Variants in ADAMTS17 observed in about 807,000 individuals in gnomAD.
The protein encoded by ADAMTS17 is ADAM metallopeptidase with thrombospondin type 1 motif 17.
ADAMTS17 carries 113 observed loss-of-function variants against 141.5 expected under a neutral mutation model. That is an observed-to-expected ratio of 0.80 (90% CI 0.69 to 0.93). The LOEUF (loss-of-function observed/expected upper bound fraction) is 0.93, where lower values mean the gene tolerates loss of function less well. ADAMTS17 is among the 40% of genes least tolerant of loss of function. The pLI is 0.00. For missense variants in ADAMTS17, 1,659 were observed against 1,517.9 expected, an observed-to-expected ratio of 1.09 and a Z score of -1.54; for synonymous variants, 768 against 630.6, an observed-to-expected ratio of 1.22 and a Z score of -3.27.
chr15:100,206,180 C>A (rs553060120), intron 7 of ADAMTS17, among the ~76,000 whole-genome samples: 2 of 152,210 alleles, frequency 1.3e-5, no homozygotes, highest in Non-Finnish European at 2.9e-5. Flanking sequence ...GACCTCTGGG[C>A]CTCTGCATGT....
At chr15:100,134,298 T>C (rs1040208827) in intron 10 of ADAMTS17, among the ~76,000 whole-genome samples, 5 of 152,196 alleles carry the variant, frequency 3.3e-5, no homozygotes, top group African/African-American at 1.2e-4. Context: ...CCTCACCCCC[T>C]CACAGTGCTT....
At chr15:100,160,850 A>G (rs80281583) in intron 8 of ADAMTS17, among the ~76,000 whole-genome samples, 3,095 of 152,346 alleles carry the variant, frequency 0.02, 166 homozygotes, top group East Asian at 0.19. Flanking sequence ...AACCAGCATT[A>G]GACCGGGAGG....
At chr15:100,000,897 T>C (rs2060907629) in intron 18 of ADAMTS17, among the ~76,000 whole-genome samples, 1 of 152,206 alleles carries the variant, frequency 6.6e-6, no homozygotes, top group African/African-American at 2.4e-5. Context: ...ATCTTTAAAA[T>C]GAATAAAAAC....
intron 3 of ADAMTS17, among the ~76,000 whole-genome samples, chr15:100,312,540 AGCGGTAATAAGAAAGTAAT>A (rs1567523236): frequency 6.6e-6 from 1 of 152,236 alleles, no homozygotes; most frequent in Non-Finnish European, 1.5e-5. Context: ...AATTTGTTAG[AGCGGTAATAAGAAAGTAAT>A]GCCTGAGTCT....
chr15:100,261,516 C>G lies in ADAMTS17; in HGVS notation c.994G>C (p.Asp332His). 6.2e-7 allele frequency: 1 copy of G among 1,614,192 alleles called. No individual in the cohort carries two copies. The change falls in exon 6 of 22, where the codon GAC (aspartate) becomes CAC (histidine). Residue 332 changes from aspartate (D) to histidine (H), a missense_variant. By Grantham distance (81) the Asp-to-His change is moderately conservative (BLOSUM62 -1). Coordinates refer to ENST00000268070, the MANE Select transcript of ADAMTS17 (RefSeq NM_139057.4). ...GNNQVPGGKD[D>H]PPLVDAAVFV... ...ACGGCAGCATCCACCAGGGGCGGGTCGTCCTTCCCGCCGGGAACCTGGTTA... is the reference window on the plus strand; with the variant it reads ...ACGGCAGCATCCACCAGGGGCGGGTGGTCCTTCCCGCCGGGAACCTGGTTA...
intron 8 of ADAMTS17, among the ~76,000 whole-genome samples, chr15:100,159,996 C>T (rs929412356): frequency 2.6e-5 from 4 of 152,192 alleles, no homozygotes; most frequent in Non-Finnish European, 2.9e-5. Flanking sequence ...AGAGGTTGCA[C>T]TTGCCTGGGT....
chr15:100,312,128 G>A (rs1157474830), intron 3 of ADAMTS17, among the ~76,000 whole-genome samples: 2 of 152,208 alleles, frequency 1.3e-5, no homozygotes, highest in East Asian at 3.8e-4. Context: ...CTACGAAAAT[G>A]TGAACTTACA....
chr15:100,215,163 C>T (rs575317026), intron 7 of ADAMTS17, among the ~76,000 whole-genome samples: 7 of 152,348 alleles, frequency 4.6e-5, no homozygotes, highest in African/African-American at 9.6e-5. Flanking sequence ...GCGTTTGGAA[C>T]GCAGTAGCAA....
chr15:100,259,452 T>A (rs1596381366), intron 6 of ADAMTS17, among the ~76,000 whole-genome samples: 1 of 152,328 alleles, frequency 6.6e-6, no homozygotes, highest in South Asian at 2.1e-4. Context: ...CAGCCACTGC[T>A]CTTGGGGAGG....
At chr15:100,055,207 A>G (rs1159541313) in intron 15 of ADAMTS17, among the ~76,000 whole-genome samples, 1 of 152,208 alleles carries the variant, frequency 6.6e-6, no homozygotes, top group Non-Finnish European at 1.5e-5. Context: ...GACCCTACTC[A>G]GTCCATATCA....
At chr15:100,253,186 C>T (rs1473721185) in intron 7 of ADAMTS17, among the ~76,000 whole-genome samples, 4 of 151,612 alleles carry the variant, frequency 2.6e-5, no homozygotes, top group Non-Finnish European at 1.5e-5. Flanking sequence ...AACAAAGGTT[C>T]GCGTTATGGC....
At chr15:100,291,928 AAAAT>A (rs1338410069) in intron 3 of ADAMTS17, among the ~76,000 whole-genome samples, 2 of 152,376 alleles carry the variant, frequency 1.3e-5, no homozygotes, top group East Asian at 3.9e-4. Context: ...CCCTGAAACT[AAAAT>A]AAAAGTTAAA....
At chr15:100,322,298 G>A (rs952221022) in intron 3 of ADAMTS17, among the ~76,000 whole-genome samples, 1 of 152,190 alleles carries the variant, frequency 6.6e-6, no homozygotes, top group Admixed American at 6.5e-5. Flanking sequence ...CTGGAAAGGA[G>A]AGATCCACAA....
chr15:100,156,413 G>T (rs1034090069), intron 8 of ADAMTS17, among the ~76,000 whole-genome samples: 1 of 152,124 alleles, frequency 6.6e-6, no homozygotes, highest in Admixed American at 6.5e-5. Context: ...ACGTGGAGTT[G>T]GATCAGCTAA....
chr15:100,209,899 C>G (rs2041734894), intron 7 of ADAMTS17, among the ~76,000 whole-genome samples: 1 of 152,184 alleles, frequency 6.6e-6, no homozygotes, highest in South Asian at 2.1e-4. Context: ...GCATGCATGT[C>G]AATGTCTGTC....
At chr15:100,107,050 C>T (rs191283567) in intron 14 of ADAMTS17, among the ~76,000 whole-genome samples, 18 of 152,268 alleles carry the variant, frequency 1.2e-4, no homozygotes, top group Middle Eastern at 3.4e-3. Context: ...CCAAAGGAGT[C>T]TGGGTCTTGT....
chr15:100,103,811 G>A (rs1596442654), intron 14 of ADAMTS17, among the ~76,000 whole-genome samples: 1 of 152,090 alleles, frequency 6.6e-6, no homozygotes, highest in Admixed American at 6.5e-5. Context: ...CCTGACCTTA[G>A]ATAATCCACC....
At chr15:100,314,437 T>G (rs1320177200) in intron 3 of ADAMTS17, among the ~76,000 whole-genome samples, 1 of 152,128 alleles carries the variant, frequency 6.6e-6, no homozygotes, top group African/African-American at 2.4e-5. Flanking sequence ...TCTCAAGTGG[T>G]TCAGAACAAA....
chr15:100,080,254 A>C (rs2034643667), intron 15 of ADAMTS17, among the ~76,000 whole-genome samples: 1 of 152,152 alleles, frequency 6.6e-6, no homozygotes, highest in African/African-American at 2.4e-5. Context: ...ATTAAACTGG[A>C]AGATTGGTAC....
Sources: gnomAD v4.1 joint callset for allele counts (sites outside exome capture counted in the v4.1 genomes callset) on GRCh38, gnomAD v4.1.1 for gene constraint, MANE v1.5 for transcripts, NCBI Gene and HGNC (gene_info 2026-07-23, HGNC 2026-07-21) for gene names.